The following MIOS variants were observed in gnomAD, a reference collection of about 807,000 sequenced individuals.
MIOS encodes meiosis regulator for oocyte development, also known as GATOR2 complex protein MIOS.
A neutral mutation model predicts 96.9 loss-of-function variants in MIOS; 52 were observed. The observed-to-expected ratio is 0.54, with a 90% confidence interval of 0.43 to 0.68. The LOEUF is 0.68. Ranked by LOEUF, MIOS falls within the 30% of genes least tolerant of loss-of-function variation. MIOS has a pLI of 0.00. For missense variants in MIOS, 1,005 were observed against 1,052.8 expected (o/e 0.95, Z 0.63); for synonymous variants, 397 against 359.5 (o/e 1.10, Z -1.18).
intron 5 of MIOS, among the ~76,000 whole-genome samples, chr7:7,579,603 G>A (rs1207231474): frequency 2.6e-5 from 4 of 152,184 alleles, no homozygotes; most frequent in African/African-American, 9.7e-5. Context: ...TGGAAGAATT[G>A]TCTTGGGCCA....
chr7:7,599,354 A>T (rs1426275762), intron 11 of MIOS, among the ~76,000 whole-genome samples: 1 of 152,164 alleles, frequency 6.6e-6, no homozygotes, highest in Admixed American at 6.6e-5. Context: ...TTTTTCTAAA[A>T]TCCCAAACAT....
At chr7:7,596,181 T>G in intron 10 of MIOS, 76 bp from the exon 11 acceptor site, 2 of 1,248,140 alleles carry the variant, frequency 1.6e-6, no homozygotes, top group South Asian at 2.9e-5. Context: ...AAATAATTTG[T>G]TAGGCGCACA....
intron 6 of MIOS, among the ~76,000 whole-genome samples, chr7:7,584,997 A>C (rs143261556): frequency 1.3e-5 from 2 of 152,310 alleles, no homozygotes; most frequent in South Asian, 4.1e-4. Flanking sequence ...TAATACTGTA[A>C]TTAAAGTATT....
At chr7:7,582,698 C>T in intron 5 of MIOS, 1 of 820,852 alleles carries the variant, frequency 1.2e-6, no homozygotes, top group South Asian at 5.5e-5. Flanking sequence ...GTGAATAAAA[C>T]AGACAAGACA....
At chr7:7,587,388 A>G (rs1005155741) in intron 7 of MIOS, among the ~76,000 whole-genome samples, 2 of 152,176 alleles carry the variant, frequency 1.3e-5, no homozygotes, top group Admixed American at 6.6e-5. Flanking sequence ...TACGAAGTTC[A>G]TATTTCCAAG....
intron 11 of MIOS, among the ~76,000 whole-genome samples, chr7:7,598,670 A>G (rs1468830581): frequency 1.3e-5 from 2 of 151,612 alleles, no homozygotes; most frequent in Non-Finnish European, 1.5e-5. Flanking sequence ...CTTTTGGACC[A>G]TAAGCCTCAG....
intron 11 of MIOS, among the ~76,000 whole-genome samples, chr7:7,598,906 A>T (rs888451953): frequency 6.6e-6 from 1 of 152,006 alleles, no homozygotes; most frequent in Non-Finnish European, 1.5e-5. Context: ...TTGTTATAGA[A>T]TTTTTTTCCA....
rs762147294 is a variant in MIOS, at chr7:7,594,959, T to C, written c.2044-21T>C. On this transcript the variant is annotated intron_variant, in intron 9 of 12. Coordinates refer to ENST00000340080, the MANE Select transcript of MIOS (RefSeq NM_019005.4). ...GCCAGGAGATTTTAAACAATTGAAA[T>C]AATTCATGTTTTCGTTTTAGGGTTC... 3.8e-6 allele frequency: 6 copies of C among 1,570,106 alleles called. No individual in the cohort carries two copies. In the South Asian group the frequency reaches 5.9e-5, roughly 15 times the overall value.
intron 7 of MIOS, among the ~76,000 whole-genome samples, chr7:7,586,409 C>T (rs1401984168): frequency 3.9e-5 from 6 of 152,070 alleles, no homozygotes; most frequent in East Asian, 1.9e-4. Context: ...TATCACAAAA[C>T]GGGGAAAGAA....
intron 8 of MIOS, 28 bp from the exon 9 acceptor site, chr7:7,589,376 CT>C (rs1366835817): frequency 2.5e-6 from 4 of 1,602,956 alleles, no homozygotes; most frequent in Non-Finnish European, 3.4e-6. Flanking sequence ...AAACAGATTG[CT>C]TTAGAAAAAT....
rs978954169 is a variant in MIOS, at chr7:7,573,128, A to T, written c.653A>T (p.Gln218Leu). The change falls in exon 4 of 13, where the codon CAA (glutamine) becomes CTA (leucine). Residue 218 changes from glutamine to leucine, a missense_variant. Physicochemically the swap from Gln to Leu is moderately radical, Grantham distance 113. Transcript: ENST00000340080. The surrounding 1 kb of genome is among the most constrained non-coding windows in gnomAD (Gnocchi z 5.0). ...LAIFDLRNTS[Q>L]KMFVNTKAVQ... Reference sequence around the variant, plus strand: ...ATATTTGATCTTCGGAATACAAGCCAAAAGATGTTCGTAAATACAAAAGCT... The same window carrying T: ...ATATTTGATCTTCGGAATACAAGCCTAAAGATGTTCGTAAATACAAAAGCT... 3.7e-6 allele frequency: 6 copies of T among 1,614,124 alleles called. No homozygotes were observed. Among genetic ancestry groups the T allele is most frequent in the Non-Finnish European group, 5.1e-6 (6 of 1,179,976 alleles).
intron 11 of MIOS, among the ~76,000 whole-genome samples, chr7:7,596,914 G>GT (rs1176418854): frequency 1.3e-5 from 2 of 152,124 alleles, no homozygotes; most frequent in African/African-American, 4.8e-5. Context: ...TGAGAGAAGG[G>GT]TCAGTTGCAG....
At chr7:7,567,918 G>C (rs764935213) in intron 2 of MIOS, 108 bp from the exon 3 acceptor site, 2 of 152,124 alleles carry the variant, frequency 1.3e-5, no homozygotes, top group African/African-American at 2.4e-5. Flanking sequence ...TGATATGTTG[G>C]CTAAATAAAA....
In MIOS at chr7:7,566,948, C is replaced by T. The variant is rs1783156717; in HGVS notation, c.-345C>T. 1 of 151,626 alleles carries T rather than the reference C, an allele frequency of 6.6e-6. No individual in the cohort carries two copies. The highest frequency in any genetic ancestry group is 1.5e-5 in the Non-Finnish European group (1 of 67,632). 9.4% of individuals were successfully genotyped at this position (151,626 alleles called of 1,614,324 possible). A position where few individuals can be genotyped will look rare whatever the true frequency, so the allele number is the denominator to read the frequency against. Reference sequence around the variant, plus strand: ...GTGGTGGTGGGGTCGTGGGTCCCAGCCCAGTGGTCCAGGTCACGGGCCGCA... The same window carrying T: ...GTGGTGGTGGGGTCGTGGGTCCCAGTCCAGTGGTCCAGGTCACGGGCCGCA... On this transcript the variant is annotated 5_prime_UTR_variant, in exon 1 of 13. Coordinates refer to ENST00000340080, the MANE Select transcript of MIOS (RefSeq NM_019005.4).
In MIOS at chr7:7,607,628, A is replaced by T. The variant is rs569954261; in HGVS notation, c.*536A>T. ...AATATTTTTTATTACTGTCTGTTATATATGTGTCTATGTGTGTGTGTATAT... is the reference window on the plus strand; with the variant it reads ...AATATTTTTTATTACTGTCTGTTATTTATGTGTCTATGTGTGTGTGTATAT... On this transcript the variant is annotated 3_prime_UTR_variant, in exon 13 of 13. Transcript: ENST00000340080. The T allele has an allele frequency of 5.4e-4, 83 of 152,914 alleles. No individual in the cohort carries two copies. The highest frequency in any genetic ancestry group is 1.6e-3 in the Admixed American group (25 of 15,314). 9.5% of individuals were successfully genotyped at this position (152,914 alleles called of 1,614,324 possible).
At chr7:7,597,023 C>T (rs1784221910) in intron 11 of MIOS, among the ~76,000 whole-genome samples, 2 of 151,994 alleles carry the variant, frequency 1.3e-5, no homozygotes, top group South Asian at 2.1e-4. Context: ...AGTGAGACCC[C>T]ATCTCTATAA....
chr7:7,577,562 CATAGAGGTT>C (rs1783577650), intron 5 of MIOS, among the ~76,000 whole-genome samples: 1 of 152,024 alleles, frequency 6.6e-6, no homozygotes, highest in African/African-American at 2.4e-5. Context: ...GAAGGAAGCC[CATAGAGGTT>C]AAAGATGCAG....
At chr7:7,595,578 G>T (rs1015312780) in intron 10 of MIOS, among the ~76,000 whole-genome samples, 1 of 152,014 alleles carries the variant, frequency 6.6e-6, no homozygotes, top group Non-Finnish European at 1.5e-5. Context: ...GTCACATAAG[G>T]TATACCACAT....
At chr7:7,588,223 A>G (rs1783947391) in intron 7 of MIOS, among the ~76,000 whole-genome samples, 2 of 152,140 alleles carry the variant, frequency 1.3e-5, no homozygotes, top group African/African-American at 2.4e-5. Context: ...GTTTTATGTT[A>G]TGTAAGACTG....
Sources: gnomAD v4.1 joint callset for allele counts (sites outside exome capture counted in the v4.1 genomes callset) on GRCh38, gnomAD v4.1.1 for gene constraint, Gnocchi (gnomAD v3.1) non-coding constraint, MANE v1.5 for transcripts, NCBI Gene and HGNC (gene_info 2026-07-23, HGNC 2026-07-21) for gene names.